RANBP17: variants seen among roughly 807,000 people sequenced by gnomAD.
The protein encoded by RANBP17 is ran-binding protein 17.
In RANBP17, 158 loss-of-function variants were observed where a neutral mutation model predicts 141.2. The ratio of observed to expected loss-of-function variants is 1.12; its 90% confidence interval spans 0.98 to 1.28. The LOEUF (loss-of-function observed/expected upper bound fraction) is 1.28. RANBP17 is among the 50% of genes most tolerant of loss of function. RANBP17 has a pLI of 0.00. For synonymous variants in RANBP17, 430 were observed against 450.0 expected, an observed-to-expected ratio of 0.96 and a Z score of 0.56; for missense variants, 1,438 against 1,290.7, an observed-to-expected ratio of 1.11 and a Z score of -1.75.
At chr5:170,949,031 T>A (rs919690412) in intron 12 of RANBP17, among the ~76,000 whole-genome samples, 2 of 152,106 alleles carry the variant, frequency 1.3e-5, no homozygotes, top group Admixed American at 6.6e-5. Context: ...GATGTGGGCC[T>A]GTGATCCCAG....
intron 14 of RANBP17, among the ~76,000 whole-genome samples, chr5:171,083,254 A>G (rs1785372278): frequency 6.6e-6 from 1 of 152,122 alleles, no homozygotes. Flanking sequence ...TTAAGAGGTA[A>G]TTAAGACATG....
At chr5:170,936,836 G>A (rs1362882747) in intron 12 of RANBP17, among the ~76,000 whole-genome samples, 1 of 152,096 alleles carries the variant, frequency 6.6e-6, no homozygotes, top group East Asian at 1.9e-4. Context: ...TTGTGGAATT[G>A]TTTATAATCT....
intron 24 of RANBP17, among the ~76,000 whole-genome samples, chr5:171,251,120 A>G (rs1297787435): frequency 6.6e-6 from 1 of 152,140 alleles, no homozygotes; most frequent in African/African-American, 2.4e-5. Context: ...ACAGGGTCTC[A>G]CTCTGTCACC....
At chr5:171,078,605 G>A (rs1785081228) in intron 14 of RANBP17, among the ~76,000 whole-genome samples, 1 of 152,160 alleles carries the variant, frequency 6.6e-6, no homozygotes, top group Admixed American at 6.5e-5. Flanking sequence ...AATCCAGCTG[G>A]TGGCTTTAAG....
chr5:171,298,580 G>C, intron 27 of RANBP17, among the ~76,000 whole-genome samples, 182 bp from the exon 28 acceptor site: 1 of 152,252 alleles, frequency 6.6e-6, no homozygotes, highest in South Asian at 2.1e-4. Context: ...GGGGTTGGCA[G>C]TACTGGTGGC....
intron 14 of RANBP17, among the ~76,000 whole-genome samples, chr5:170,974,658 C>T (rs1028599622): frequency 1.1e-4 from 17 of 152,162 alleles, no homozygotes; most frequent in African/African-American, 4.1e-4. Flanking sequence ...AGCTGAAGCT[C>T]CAGGCAGCTC....
chr5:171,124,324 T>TA (rs1473441713), intron 14 of RANBP17, among the ~76,000 whole-genome samples: 1 of 151,966 alleles, frequency 6.6e-6, no homozygotes, highest in African/African-American at 2.4e-5. Context: ...GATAAAAGAA[T>TA]AAAAATTAAT....
intron 18 of RANBP17, among the ~76,000 whole-genome samples, chr5:171,198,619 T>A (rs974624298): frequency 1.3e-5 from 2 of 152,184 alleles, no homozygotes; most frequent in Admixed American, 1.3e-4. Context: ...ATTCAATAGA[T>A]ATGGGATGGA....
chr5:171,046,739 C>A (rs1381711530), intron 14 of RANBP17, among the ~76,000 whole-genome samples: 1 of 152,014 alleles, frequency 6.6e-6, no homozygotes, highest in East Asian at 1.9e-4. Context: ...TTGCAATTTG[C>A]CTTCCAAGAA....
At chr5:171,047,106 C>T (rs1445695836) in intron 14 of RANBP17, among the ~76,000 whole-genome samples, 1 of 150,050 alleles carries the variant, frequency 6.7e-6, no homozygotes, top group African/African-American at 2.5e-5. Context: ...CATCCTCTGC[C>T]TCCAGGGTTC....
At chr5:171,249,248 A>G (rs1765408684) in intron 24 of RANBP17, among the ~76,000 whole-genome samples, 1 of 152,206 alleles carries the variant, frequency 6.6e-6, no homozygotes. Context: ...GCCCTACCCA[A>G]CCAATACCAC....
intron 20 of RANBP17, among the ~76,000 whole-genome samples, chr5:171,210,258 G>A (rs1762798745): frequency 6.6e-6 from 1 of 151,974 alleles, no homozygotes; most frequent in South Asian, 2.1e-4. Context: ...ATTGAGCCTG[G>A]CACTCTCACT....
intron 14 of RANBP17, among the ~76,000 whole-genome samples, chr5:171,131,866 C>G (rs1026036876): frequency 3.3e-5 from 5 of 152,122 alleles, no homozygotes; most frequent in African/African-American, 1.2e-4. Context: ...TTTCATTTGG[C>G]TAATGCTTTC....
chr5:170,915,186 A>G lies in RANBP17; in HGVS notation c.834+946A>G, dbSNP rs60815807. On this transcript the variant is annotated intron_variant, in intron 8 of 27. Coordinates refer to ENST00000523189, the MANE Select transcript of RANBP17 (RefSeq NM_022897.5). The stretch of plus-strand genomic sequence containing the variant: ...ATGTAATTATGTTTTGGGATAAAAC[A>G]AAAAAGGTACTAGTGCTTAAAAAAT... 6.2e-3 allele frequency among the ~76,000 whole-genome samples: 938 copies of G among 152,304 alleles called. 11 individuals are homozygous for G. The highest frequency in any genetic ancestry group is 0.021 in the African/African-American group (890 of 41,568).
chr5:170,909,696 A>G lies in RANBP17; in HGVS notation c.525A>G (p.Lys175=). 1 of 1,598,150 alleles carries G rather than the reference A, an allele frequency of 6.3e-7. No homozygotes were observed. The highest frequency in any genetic ancestry group is 8.6e-7 in the Non-Finnish European group (1 of 1,168,258). Residue 175 remains lysine, a synonymous_variant, in exon 6 of 28, where the codon AAA becomes AAG. Transcript: ENST00000523189. The part of the protein sequence containing the change: ...DYSRPSAKHR[K]IATSFRDTSL... Reference sequence around the variant, plus strand: ...CTAGACCTTCAGCAAAACACAGGAAAATAGCTACCTCATTTCGTGATACTT... The same window carrying G: ...CTAGACCTTCAGCAAAACACAGGAAGATAGCTACCTCATTTCGTGATACTT...
chr5:170,931,871 G>T (rs973950779), intron 12 of RANBP17, among the ~76,000 whole-genome samples: 1 of 152,150 alleles, frequency 6.6e-6, no homozygotes, highest in Non-Finnish European at 1.5e-5. Context: ...TTTTGCTTAG[G>T]ATTGTCTTGG....
intron 14 of RANBP17, among the ~76,000 whole-genome samples, chr5:171,090,188 C>T (rs1786131894): frequency 6.6e-6 from 1 of 152,134 alleles, no homozygotes; most frequent in Admixed American, 6.6e-5. Context: ...TGGCTTTGAC[C>T]AAAATGCTGA....
chr5:171,237,220 C>G (rs920098432), intron 22 of RANBP17, among the ~76,000 whole-genome samples: 1 of 152,106 alleles, frequency 6.6e-6, no homozygotes, highest in Admixed American at 6.6e-5. Context: ...AAAGTCCTCT[C>G]CATGAAGGAC....
intron 23 of RANBP17, among the ~76,000 whole-genome samples, chr5:171,242,343 A>G (rs1305939143): frequency 6.6e-6 from 1 of 152,218 alleles, no homozygotes; most frequent in African/African-American, 2.4e-5. Context: ...TTGTGTTTAA[A>G]AAACCAACAA....
Sources: allele counts gnomAD v4.1 joint callset (sites outside exome capture counted in the v4.1 genomes callset), GRCh38; gene constraint gnomAD v4.1.1; transcripts MANE v1.5; gene names NCBI Gene and HGNC (gene_info 2026-07-23, HGNC 2026-07-21).